Variants in DGKQ observed in about 807,000 individuals in gnomAD.
DGKQ encodes the protein DAG kinase theta.
A neutral mutation model predicts 104.2 loss-of-function variants in DGKQ; 97 were observed. That is an observed-to-expected ratio of 0.93 (90% CI 0.79 to 1.10). The LOEUF (loss-of-function observed/expected upper bound fraction) is 1.10. DGKQ is among the 50% of genes least tolerant of loss of function. The pLI is 0.00. For missense variants in DGKQ, 1,465 were observed against 1,352.1 expected, an observed-to-expected ratio of 1.08 and a Z score of -1.31; for synonymous variants, 736 against 595.2, an observed-to-expected ratio of 1.24 and a Z score of -3.44.
chr4:972,723 G>C (rs1014648783), intron 1 of DGKQ, among the ~76,000 whole-genome samples: 1 of 152,240 alleles, frequency 6.6e-6, no homozygotes, highest in South Asian at 2.1e-4. Context: ...GAACAGGGAA[G>C]GGCTGTCCTC....
At position 967,250 on chromosome 4, in the gene DGKQ, T is replaced by TC. The variant is rs1328869347; in HGVS notation, c.1098dup (p.Ser367GlufsTer155). The TC allele has an allele frequency of 6.4e-7, 1 of 1,562,774 alleles. No individual in the cohort carries two copies. Among genetic ancestry groups the TC allele is most frequent in the Non-Finnish European group, 8.6e-7 (1 of 1,157,942 alleles). The stretch of plus-strand genomic sequence containing the variant: ...CTGCCCTCCTCCGAGATCACAGCAC[T>TC]CCCAGCCTTGCCCCCAGCCCAGGCG... On this transcript the variant is annotated frameshift_variant, in exon 9 of 23. Coordinates refer to ENST00000273814, the MANE Select transcript of DGKQ (RefSeq NM_001347.4). LOFTEE classifies it high-confidence loss of function.
Position 961,053 on chromosome 4 carries a change from G to A in DGKQ, c.2723C>T (p.Pro908Leu). 1 of 1,612,208 alleles carries A rather than the reference G, an allele frequency of 6.2e-7. No homozygotes were observed. Among genetic ancestry groups the A allele is most frequent in the South Asian group, 1.1e-5 (1 of 91,080 alleles). ...CTCCAGCCTCACCCCACATACCTTA[G>A]GGCCAGCAGCTGAGATGATCATGTG... Reference protein sequence around the residue: ...PGHMIISAAGPKVHMLRKAKQ... With the variant: ...PGHMIISAAGLKVHMLRKAKQ... Residue 908 changes from proline to leucine, a missense_variant, in exon 22 of 23, where the codon CCT becomes CTT. Coordinates refer to ENST00000273814, the MANE Select transcript of DGKQ (RefSeq NM_001347.4).
At chr4:963,355 C>A in intron 15 of DGKQ, 65 bp from the exon 16 acceptor site, 3 of 1,467,494 alleles carry the variant, frequency 2.0e-6, no homozygotes, top group Non-Finnish European at 1.9e-6. Flanking sequence ...GCTGGGGTTG[C>A]CAGGCAGTGC....
chr4:972,786 G>A (rs1351289307), intron 1 of DGKQ, among the ~76,000 whole-genome samples: 1 of 151,962 alleles, frequency 6.6e-6, no homozygotes, highest in African/African-American at 2.4e-5. Flanking sequence ...CACGCGCACC[G>A]GGACGGCAGG....
chr4:964,534 TC>T (rs1316753933), intron 15 of DGKQ, among the ~76,000 whole-genome samples: 1 of 151,486 alleles, frequency 6.6e-6, no homozygotes, highest in East Asian at 1.9e-4. Context: ...AGACCCCCGT[TC>T]CCCCCGGCCC....
Position 967,364 on chromosome 4 carries a change from G to A in DGKQ, c.988-3C>T, listed in dbSNP as rs369469195. On this transcript the variant is annotated splice_polypyrimidine_tract_variant and splice_region_variant and intron_variant, in intron 8 of 22. Transcript: ENST00000273814. ...TGGTGGGCCCGCAGTGCGGCCTCCT[G>A]CAGGGCACCAGGTTAGAGGGGCCAA... 30 of 1,530,386 alleles carry A rather than the reference G, an allele frequency of 2.0e-5. No individual in the cohort carries two copies. The highest frequency in any genetic ancestry group is 2.5e-5 in the Non-Finnish European group (29 of 1,143,416). The allele number at this position is 1,530,386 out of a possible 1,614,324, so 94.8% of individuals were successfully genotyped here. A position where few individuals can be genotyped will look rare whatever the true frequency, so the allele number is the denominator to read the frequency against.
intron 1 of DGKQ, among the ~76,000 whole-genome samples, 172 bp downstream of exon 1, chr4:973,040 G>C (rs1362964519): frequency 6.6e-6 from 1 of 152,130 alleles, no homozygotes; most frequent in Non-Finnish European, 1.5e-5. Flanking sequence ...GCAGCCTGGA[G>C]CGGCCCCACG....
intron 22 of DGKQ, 121 bp downstream of exon 22, chr4:960,928 C>A: frequency 1.3e-6 from 2 of 1,518,816 alleles, no homozygotes; most frequent in East Asian, 2.4e-5. Flanking sequence ...GGCACCCTCC[C>A]GGAGTCAGTG....
At chr4:964,154 G>A (rs1316936086) in intron 15 of DGKQ, 1 of 154,694 alleles carries the variant, frequency 6.5e-6, no homozygotes, top group African/African-American at 2.4e-5. Flanking sequence ...AGAGCGAGTG[G>A]AGCTGGGGTG....
Position 973,500 on chromosome 4 carries a change from C to A in DGKQ, c.-18G>T. 2.0e-6 allele frequency: 2 copies of A among 988,518 alleles called. No individual in the cohort carries two copies. Among genetic ancestry groups the A allele is most frequent in the Non-Finnish European group, 2.4e-6 (2 of 832,880 alleles). 61.2% of individuals were successfully genotyped at this position (988,518 alleles called of 1,614,324 possible). ...GCCGCCATTCCCGGCCCGAGCGGCC[C>A]GAGCCCCTTTAGGTCCGCGCCGGGG... is the stretch of plus-strand genomic sequence containing the variant. On this transcript the variant is annotated 5_prime_UTR_variant, in exon 1 of 23. Transcript: ENST00000273814.
rs73792055 is a variant in DGKQ, at chr4:965,474, C to T, written c.1618+17G>A. 6.2e-7 allele frequency: 1 copy of T among 1,609,614 alleles called. No individual in the cohort carries two copies. The highest frequency in any genetic ancestry group is 8.5e-7 in the Non-Finnish European group (1 of 1,178,546). ...ACCCCTGGGCCTCATGTGACCACGT[C>T]CCTCAGGGCAGCTCACCTTGGGAGG... On this transcript the variant is annotated intron_variant, in intron 14 of 22. Transcript: ENST00000273814.
intron 18 of DGKQ, 60 bp from the exon 19 acceptor site, chr4:962,142 C>T: frequency 7.0e-7 from 1 of 1,422,304 alleles, no homozygotes; most frequent in South Asian, 1.1e-5. Flanking sequence ...CCCTGAGCTC[C>T]CCAACAGCTC....
rs765674990 is a variant in DGKQ at position 963,253 on chromosome 4, A to G, written c.1772T>C (p.Val591Ala). Residue 591 changes from valine (V) to alanine (A), a missense_variant, in exon 16 of 23, where the codon GTG (valine) becomes GCG (alanine). By Grantham distance (64) the Val-to-Ala change is moderately conservative. Coordinates refer to ENST00000273814, the MANE Select transcript of DGKQ (RefSeq NM_001347.4). ...GCCTCCACTCTTGGGGTTCACGAACACAAGGAGGGGACAGCTGTCTGGGGG... is the reference window on the plus strand; with the variant it reads ...GCCTCCACTCTTGGGGTTCACGAACGCAAGGAGGGGACAGCTGTCTGGGGG... Reference protein sequence around the residue: ...KLPPDSCPLLVFVNPKSGGLK... With the variant: ...KLPPDSCPLLAFVNPKSGGLK... 1.2e-6 allele frequency: 2 copies of G among 1,610,738 alleles called. No individual in the cohort carries two copies. The highest frequency in any genetic ancestry group is 2.2e-5 in the South Asian group (2 of 91,032).
At chr4:966,921 C>G in intron 10 of DGKQ, 43 bp downstream of exon 10, 1 of 1,548,904 alleles carries the variant, frequency 6.5e-7, no homozygotes, top group Non-Finnish European at 8.7e-7. Context: ...AGCGACCCCC[C>G]ACCGAGTCTG....
In DGKQ at chr4:965,483, C is replaced by T. The variant is rs1712236611; in HGVS notation, c.1618+8G>A. On this transcript the variant is annotated splice_region_variant and intron_variant, in intron 14 of 22. Coordinates refer to ENST00000273814, the MANE Select transcript of DGKQ (RefSeq NM_001347.4). ...CCTCATGTGACCACGTCCCTCAGGG[C>T]AGCTCACCTTGGGAGGAGTAGATGT... 1 of 1,610,448 alleles carries T rather than the reference C, an allele frequency of 6.2e-7. No homozygotes were observed. The highest frequency in any genetic ancestry group is 1.7e-5 in the Admixed American group (1 of 59,676).
intron 12 of DGKQ, 139 bp downstream of exon 12, chr4:966,327 G>C (rs993834246): frequency 2.0e-6 from 2 of 995,314 alleles, no homozygotes; most frequent in Non-Finnish European, 3.0e-6. Flanking sequence ...AGCTCATGAC[G>C]AGGGCGCTGC....
In DGKQ at chr4:967,932, G is replaced by A. The variant is rs1264388741; in HGVS notation, c.759C>T (p.Pro253=). The A allele has an allele frequency of 5.2e-5, 77 of 1,473,426 alleles. No individual in the cohort carries two copies. The highest frequency in any genetic ancestry group is 6.2e-5 in the Non-Finnish European group (69 of 1,120,932). The allele number at this position is 1,473,426 out of a possible 1,614,324, so 91.3% of individuals were successfully genotyped here. A position where few individuals can be genotyped will look rare whatever the true frequency, so the allele number is the denominator to read the frequency against. The change falls in exon 6 of 23, where the codon CCC becomes CCT. Residue 253 remains proline, a synonymous_variant. Transcript: ENST00000273814. ...VLPPACVRLL[P]GGFSKTQSFR... is the part of the protein sequence containing the mutation. Reference sequence around the variant, plus strand: ...AGCTCTGCGTCTTGCTGAAGCCGCCGGGCAGAAGGCGCACGCACGCGGGAG... The same window carrying A: ...AGCTCTGCGTCTTGCTGAAGCCGCCAGGCAGAAGGCGCACGCACGCGGGAG...
Position 961,063 on chromosome 4 carries a change from C to A in DGKQ, c.2713G>T (p.Ala905Ser). 1 of 1,612,310 alleles carries A rather than the reference C, an allele frequency of 6.2e-7. No individual in the cohort carries two copies. The part of the protein sequence containing the change: ...VQAPGHMIIS[A>S]AGPKVHMLRK... ...ACCCCACATACCTTAGGGCCAGCAG[C>A]TGAGATGATCATGTGCCCCGGGGCC... The change falls in exon 22 of 23, where the codon GCT (alanine) becomes TCT (serine). Residue 905 changes from alanine to serine, a missense_variant. Transcript: ENST00000273814.
Position 960,323 on chromosome 4 carries a change from G to GC in DGKQ, c.*296dup. The GC allele has an allele frequency of 2.1e-6, 1 of 483,110 alleles. No homozygotes were observed. Among genetic ancestry groups the GC allele is most frequent in the East Asian group, 3.4e-5 (1 of 29,746 alleles). 29.9% of individuals were successfully genotyped at this position (483,110 alleles called of 1,614,324 possible). ...TGCCCACCCCTGAGGAGAGGACCAG[G>GC]CCCCCACAGGGCAGAGGGCTCACCA... On this transcript the variant is annotated 3_prime_UTR_variant, in exon 23 of 23. Coordinates refer to ENST00000273814, the MANE Select transcript of DGKQ (RefSeq NM_001347.4).
Sources: allele counts gnomAD v4.1 joint callset (sites outside exome capture counted in the v4.1 genomes callset), GRCh38; gene constraint gnomAD v4.1.1; transcripts MANE v1.5; gene names NCBI Gene and HGNC (gene_info 2026-07-23, HGNC 2026-07-21).